The following PCDH11Y variants were observed in gnomAD, a reference collection of about 807,000 sequenced individuals.
The protein encoded by PCDH11Y is protocadherin 11 Y-linked, also known as protocadherin-11 Y-linked.
For synonymous variants in PCDH11Y, 9 were observed against 83.6 expected, an observed-to-expected ratio of 0.11 and a Z score of 4.87; for missense variants, 12 against 224.8, an observed-to-expected ratio of 0.05 and a Z score of 6.05.
intron 2 of PCDH11Y, among the ~76,000 whole-genome samples, chrY:5,335,156 G>T (rs2053135172): frequency 9.0e-5 from 3 of 33,225 alleles, no homozygotes; most frequent in African/African-American, 2.4e-4. Context: ...TGTCTGGCAG[G>T]CTGGGTGACT....
chrY:5,454,405 T>G, intron 2 of PCDH11Y, among the ~76,000 whole-genome samples: 9 of 33,174 alleles, frequency 2.7e-4, no homozygotes, highest in Non-Finnish European at 4.5e-4. Flanking sequence ...GTGCACAGTA[T>G]GAGCTCTCAG....
chrY:5,627,078 C>T (rs1602953724), intron 4 of PCDH11Y, among the ~76,000 whole-genome samples: 2 of 31,999 alleles, frequency 6.3e-5, no homozygotes, highest in Admixed American at 2.8e-4. Flanking sequence ...CTGCAACCTC[C>T]ACCTCTTGGG....
chrY:5,521,669 GT>G (rs2053381159), intron 3 of PCDH11Y, among the ~76,000 whole-genome samples: 1 of 28,203 alleles, frequency 3.5e-5, no homozygotes, highest in Non-Finnish European at 8.3e-5. Context: ...AATAACTGCA[GT>G]TTTTTCGTAA....
At chrY:5,133,839 C>T (rs2124641426) in intron 2 of PCDH11Y, among the ~76,000 whole-genome samples, 1 of 32,801 alleles carries the variant, frequency 3.0e-5, no homozygotes, top group African/African-American at 1.2e-4. Context: ...TTTGTCTATT[C>T]TGAGTCTCTT....
At chrY:5,495,519 G>A (rs2124687333) in intron 2 of PCDH11Y, among the ~76,000 whole-genome samples, 9 of 33,522 alleles carry the variant, frequency 2.7e-4, no homozygotes, top group African/African-American at 1.0e-3. Flanking sequence ...TGTTTTTTAC[G>A]TAAATCAAAA....
At chrY:5,602,795 A>C in intron 4 of PCDH11Y, among the ~76,000 whole-genome samples, 1 of 29,474 alleles carries the variant, frequency 3.4e-5, no homozygotes, top group Admixed American at 3.3e-4. Context: ...CTTTTTAATC[A>C]GTTTTACCTA....
At chrY:5,054,268 C>CT (rs1569474482), upstream of PCDH11Y, among the ~76,000 whole-genome samples, 9 of 23,708 alleles carry the variant, frequency 3.8e-4, no homozygotes, top group South Asian at 2.0e-3. Flanking sequence ...GTGGTTTTAT[C>CT]TTTTTTTTTT....
At chrY:5,457,635 A>G in intron 2 of PCDH11Y, among the ~76,000 whole-genome samples, 5 of 33,237 alleles carry the variant, frequency 1.5e-4, no homozygotes, top group Non-Finnish European at 3.0e-4. Context: ...GGACATTATC[A>G]TAAGGGAACA....
intron 1 of PCDH11Y, among the ~76,000 whole-genome samples, chrY:5,008,291 G>GT (rs2052542408): frequency 3.2e-5 from 1 of 31,357 alleles, no homozygotes; most frequent in East Asian, 8.2e-4. Context: ...TTTAGGTAGT[G>GT]TTTTTTTTCC....
intron 2 of PCDH11Y, among the ~76,000 whole-genome samples, chrY:5,401,984 G>A: frequency 3.0e-5 from 1 of 33,392 alleles, no homozygotes; most frequent in East Asian, 7.8e-4. Context: ...CTAATAAATT[G>A]ATAGCTAGCT....
chrY:5,113,236 G>A, intron 2 of PCDH11Y, among the ~76,000 whole-genome samples: 1 of 34,380 alleles, frequency 2.9e-5, no homozygotes, highest in Non-Finnish European at 7.3e-5. Context: ...CTCATTATCT[G>A]TGCTGGATTA....
At chrY:5,108,543 C>G, downstream of PCDH11Y, among the ~76,000 whole-genome samples, 1 of 30,365 alleles carries the variant, frequency 3.3e-5, no homozygotes, top group South Asian at 7.4e-4. Context: ...GTCAGGAGAT[C>G]GAGACCATCC....
At chrY:5,489,883 G>T in intron 2 of PCDH11Y, among the ~76,000 whole-genome samples, 1 of 31,929 alleles carries the variant, frequency 3.1e-5, no homozygotes, top group Non-Finnish European at 7.6e-5. Flanking sequence ...ATATAATATT[G>T]TGGCAAAAGG....
intron 1 of PCDH11Y, among the ~76,000 whole-genome samples, chrY:5,014,091 A>G (rs2052557087): frequency 7.2e-5 from 2 of 27,634 alleles, no homozygotes; most frequent in African/African-American, 2.8e-4. Flanking sequence ...GTACTCTGGC[A>G]GATTTTTTTT....
intron 1 of PCDH11Y, among the ~76,000 whole-genome samples, chrY:5,076,309 A>G (rs2124631385): frequency 3.0e-5 from 1 of 33,344 alleles, no homozygotes; most frequent in Admixed American, 2.8e-4. Context: ...TATTCTGATT[A>G]TTAATCCTTT....
chrY:5,456,878 T>C, intron 2 of PCDH11Y, among the ~76,000 whole-genome samples: 3 of 32,777 alleles, frequency 9.2e-5, no homozygotes, highest in Non-Finnish European at 2.2e-4. Context: ...CTATGCTCAC[T>C]AGCTGGGTGA....
chrY:5,070,119 C>A (rs2052697560), intron 1 of PCDH11Y, among the ~76,000 whole-genome samples: 1 of 33,099 alleles, frequency 3.0e-5, no homozygotes, highest in Non-Finnish European at 7.5e-5. Context: ...ATTTTTCACT[C>A]AGGGTTTTGG....
At chrY:5,580,777 T>A in intron 3 of PCDH11Y, among the ~76,000 whole-genome samples, 1 of 32,750 alleles carries the variant, frequency 3.1e-5, no homozygotes, top group Non-Finnish European at 7.6e-5. Context: ...TACTTTCACC[T>A]CTATTTTTCT....
At chrY:5,257,979 G>T (rs2053013397) in intron 2 of PCDH11Y, among the ~76,000 whole-genome samples, 1 of 26,585 alleles carries the variant, frequency 3.8e-5, no homozygotes, top group South Asian at 9.0e-4. Context: ...CTTATTACTT[G>T]TTAGTGGTCT....
Sources: allele counts gnomAD v4.1 joint callset (sites outside exome capture counted in the v4.1 genomes callset), GRCh38; gene constraint gnomAD v4.1.1; transcripts MANE v1.5; gene names NCBI Gene and HGNC (gene_info 2026-07-23, HGNC 2026-07-21).